The following CROCC2 variants were observed in gnomAD, a reference collection of about 807,000 sequenced individuals.
CROCC2 encodes the protein ciliary rootlet coiled-coil protein 2.
Under a neutral mutation model 177.6 loss-of-function variants are expected in CROCC2, and 163 were observed. The ratio of observed to expected loss-of-function variants is 0.92; its 90% CI spans 0.81 to 1.05. The LOEUF (loss-of-function observed/expected upper bound fraction) is 1.05. Among genes scored for constraint, CROCC2 ranks in the 50% least tolerant of loss-of-function variants. The probability of loss-of-function intolerance (pLI) is 0.00; values close to 1 mark genes in which losing one functional copy is unlikely to be tolerated. For synonymous variants in CROCC2, 904 were observed against 787.3 expected, an observed-to-expected ratio of 1.15 and a Z score of -2.48; for missense variants, 1,929 against 1,797.8, an observed-to-expected ratio of 1.07 and a Z score of -1.32.
chr2:240,976,070 C>T (rs576037540), intron 27 of CROCC2, among the ~76,000 whole-genome samples: 1 of 152,364 alleles, frequency 6.6e-6, no homozygotes, highest in Admixed American at 6.5e-5. Flanking sequence ...TGTGAGACTG[C>T]ATCATACCCA....
Position 240,911,746 on chromosome 2 carries a change from T to C in CROCC2, c.78+5155T>C, listed in dbSNP as rs537982775. Among the ~76,000 whole-genome samples the C allele has an allele frequency of 1.1e-4, 16 of 152,258 alleles. No individual in the cohort carries two copies. In the South Asian group the frequency reaches 2.3e-3, roughly 22 times the overall value. On this transcript the variant is annotated intron_variant, in intron 1 of 31. Transcript: ENST00000690015. ...TTGTCTAAGTGGATCAGATGGTATT[T>C]GTCCCTTCGTGGCGGGCTTATTTCA...
Position 240,935,078 on chromosome 2 carries a change from G to T in CROCC2, c.1938+16G>T. On this transcript the variant is annotated intron_variant, in intron 13 of 31. Transcript: ENST00000690015. Reference sequence around the variant, plus strand: ...GGCTCTCCAGGTGAGACAAGGGCCAGTGGGGCGGGCCTCGCTGGAACCTGT... The same window carrying T: ...GGCTCTCCAGGTGAGACAAGGGCCATTGGGGCGGGCCTCGCTGGAACCTGT... 1 of 1,341,788 alleles carries T rather than the reference G, an allele frequency of 7.5e-7. No homozygotes were observed. Among genetic ancestry groups the T allele is most frequent in the Non-Finnish European group, 9.6e-7 (1 of 1,039,158 alleles). The allele number at this position is 1,341,788 out of a possible 1,614,324, so 83.1% of individuals were successfully genotyped here.
Position 240,959,454 on chromosome 2 carries a change from A to G in CROCC2, c.3087+10A>G, listed in dbSNP as rs1219186801. 5 of 1,549,090 alleles carry G rather than the reference A, an allele frequency of 3.2e-6. No homozygotes were observed. Among genetic ancestry groups the G allele is most frequent in the Non-Finnish European group, 4.4e-6 (5 of 1,146,200 alleles). ...CGATGTGGAGAGAGAGGTGAGAGGC[A>G]GGGCTGGGGGGCTCCTGGGGATGCC... On this transcript the variant is annotated intron_variant, in intron 20 of 31. Transcript: ENST00000690015.
Position 240,964,449 on chromosome 2 carries a change from T to C in CROCC2, c.3306-17T>C, listed in dbSNP as rs376190541. On this transcript the variant is annotated splice_polypyrimidine_tract_variant and intron_variant, in intron 21 of 31. Transcript: ENST00000690015. Reference sequence around the variant, plus strand: ...ACCAGGAGGTGCGGGGGCCCCAGCCTGTGGCACCCTCGTCAGTTTTAAGCG... The same window carrying C: ...ACCAGGAGGTGCGGGGGCCCCAGCCCGTGGCACCCTCGTCAGTTTTAAGCG... The C allele has an allele frequency of 1.2e-5, 19 of 1,548,236 alleles. 1 individual carries two copies. In the African/African-American group the frequency reaches 2.5e-4, roughly 20 times the overall value.
intron 4 of CROCC2, among the ~76,000 whole-genome samples, chr2:240,923,275 G>A (rs751781531): frequency 2.0e-5 from 3 of 151,008 alleles, no homozygotes; most frequent in East Asian, 3.9e-4. Flanking sequence ...AGCCCCCCCC[G>A]CCACCGCTGT....
At position 240,982,840 on chromosome 2, in the gene CROCC2, C is replaced by G; in HGVS notation, c.4402-40C>G. The G allele has an allele frequency of 4.6e-6, 7 of 1,525,648 alleles. No individual in the cohort carries two copies. The highest frequency in any genetic ancestry group is 6.2e-6 in the Non-Finnish European group (7 of 1,132,262). The allele number at this position is 1,525,648 out of a possible 1,614,324, so 94.5% of individuals were successfully genotyped here. ...GGTTTCCCTGCAGGGCCTCCCACCC[C>G]CAGTGTCTCCAGGTGGACCCTGTGT... is the stretch of plus-strand genomic sequence containing the variant. On this transcript the variant is annotated intron_variant, in intron 27 of 31. Transcript: ENST00000690015. The surrounding 1 kb of genome is among the most constrained non-coding windows in gnomAD (Gnocchi z 4.7).
intron 19 of CROCC2, chr2:240,956,271 G>A: frequency 2.2e-6 from 1 of 444,968 alleles, no homozygotes; most frequent in Admixed American, 3.4e-5. Flanking sequence ...CCTCCCATGA[G>A]CCAACAGCAG....
At chr2:240,950,557 C>T (rs768902338) in intron 18 of CROCC2, 47 bp downstream of exon 18, 2 of 1,513,902 alleles carry the variant, frequency 1.3e-6, no homozygotes, top group African/African-American at 1.4e-5. Flanking sequence ...ACCCACTGCA[C>T]CTGTCACCTC....
At chr2:240,970,334 C>T (rs2059712004) in intron 27 of CROCC2, among the ~76,000 whole-genome samples, 1 of 152,200 alleles carries the variant, frequency 6.6e-6, no homozygotes. Flanking sequence ...ATCAGCCTGG[C>T]TCTGGTTTCA....
In CROCC2 at chr2:240,973,846, C is replaced by T. The variant is rs1410229956; in HGVS notation, c.4401+5584C>T. Among the ~76,000 whole-genome samples the T allele has an allele frequency of 1.3e-5, 2 of 152,200 alleles. No individual in the cohort carries two copies. The highest frequency in any genetic ancestry group is 2.9e-5 in the Non-Finnish European group (2 of 68,040). On this transcript the variant is annotated intron_variant, in intron 27 of 31. Coordinates refer to ENST00000690015, the MANE Select transcript of CROCC2 (RefSeq NM_001351305.2). The surrounding 1 kb of genome is among the most constrained non-coding windows in gnomAD (Gnocchi z 4.7). ...TTTATAAAATGAGTTGGTGGGCTTT[C>T]CACTTTTTCCATCACCTGGAACACT...
intron 18 of CROCC2, among the ~76,000 whole-genome samples, chr2:240,952,108 G>C (rs1008179029): frequency 1.3e-5 from 2 of 152,226 alleles, no homozygotes; most frequent in African/African-American, 4.8e-5. Context: ...CACTTTGGGA[G>C]ACCGAGGCAG....
At position 240,972,863 on chromosome 2, in the gene CROCC2, T is replaced by C. The variant is rs1055265255; in HGVS notation, c.4401+4601T>C. 6.6e-6 allele frequency among the ~76,000 whole-genome samples: 1 copy of C among 152,110 alleles called. No individual in the cohort carries two copies. Among genetic ancestry groups the C allele is most frequent in the Non-Finnish European group, 1.5e-5 (1 of 68,022 alleles). On this transcript the variant is annotated intron_variant, in intron 27 of 31. Transcript: ENST00000690015. The surrounding 1 kb of genome is among the most constrained non-coding windows in gnomAD (Gnocchi z 7.1). ...GAGTCATTGTGATAGGTTTCTGGATTCAGACACACCTAAGTCACCAGAGGC... is the reference window on the plus strand; with the variant it reads ...GAGTCATTGTGATAGGTTTCTGGATCCAGACACACCTAAGTCACCAGAGGC...
chr2:240,988,193 G>A (rs904559492), intron 28 of CROCC2, among the ~76,000 whole-genome samples: 1 of 152,224 alleles, frequency 6.6e-6, no homozygotes, highest in African/African-American at 2.4e-5. Flanking sequence ...TGACTAAGGA[G>A]GGAGCACATT....
intron 26 of CROCC2, chr2:240,967,696 C>T (rs2059692408): frequency 1.8e-6 from 1 of 549,024 alleles, no homozygotes; most frequent in Non-Finnish European, 2.3e-6. Context: ...ACAGGCCCAT[C>T]AGGGCCCTCC....
chr2:240,912,257 A>C (rs1430118347), intron 1 of CROCC2, among the ~76,000 whole-genome samples: 2 of 152,134 alleles, frequency 1.3e-5, no homozygotes, highest in African/African-American at 4.8e-5. Flanking sequence ...CTGTCCTACA[A>C]TTCAATCCAG....
rs1442695265 is a variant in CROCC2 at position 240,932,406 on chromosome 2, C to A, written c.1036C>A (p.Gln346Lys). ...KTIAALRTDL[Q>K]NLVAQEDARC... Reference sequence around the variant, plus strand: ...CATCGCTGCCCTCAGAACCGACCTGCAGAACCTGGTTGGTGGGCAGGACGG... The same window carrying A: ...CATCGCTGCCCTCAGAACCGACCTGAAGAACCTGGTTGGTGGGCAGGACGG... The change falls in exon 8 of 32, where the codon CAG (glutamine) becomes AAG (lysine). Residue 346 changes from glutamine (Q) to lysine (K), a missense_variant. By Grantham distance (53) the Gln-to-Lys change is moderately conservative. This residue lies in a region of CROCC2 where 1,397 missense variants were observed against 1,239.9 expected (regional missense o/e 1.13). Transcript: ENST00000690015. The A allele has an allele frequency of 1.4e-6, 1 of 717,382 alleles. No homozygotes were observed. Among genetic ancestry groups the A allele is most frequent in the Non-Finnish European group, 2.6e-6 (1 of 385,082 alleles). The allele number at this position is 717,382 out of a possible 1,614,324, so 44.4% of individuals were successfully genotyped here. A position where few individuals can be genotyped will look rare whatever the true frequency, so the allele number is the denominator to read the frequency against.
In CROCC2 at chr2:240,925,817, G is replaced by A. The variant is rs1341350823; in HGVS notation, c.582G>A (p.Gly194=). The change falls in exon 5 of 32, where the codon GGG becomes GGA. Residue 194 remains glycine, a synonymous_variant. Coordinates refer to ENST00000690015, the MANE Select transcript of CROCC2 (RefSeq NM_001351305.2). ...ANDALGRELA[G]MTGSVQRLQG... Reference sequence around the variant, plus strand: ...ACGCGCTGGGCCGGGAGCTGGCCGGGATGACGGGCAGCGTGCAGCGCCTGC... The same window carrying A: ...ACGCGCTGGGCCGGGAGCTGGCCGGAATGACGGGCAGCGTGCAGCGCCTGC... 7.0e-6 allele frequency: 5 copies of A among 716,792 alleles called. No homozygotes were observed. The highest frequency in any genetic ancestry group is 1.0e-5 in the Non-Finnish European group (4 of 384,916). 44.4% of individuals were successfully genotyped at this position (716,792 alleles called of 1,614,324 possible). A position where few individuals can be genotyped will look rare whatever the true frequency, so the allele number is the denominator to read the frequency against.
chr2:240,960,275 C>T lies in CROCC2; in HGVS notation c.3087+831C>T, dbSNP rs1362880191. ...GGCTGGACACTAAGGTCGGGGGAGG[C>T]TGGATTTGGGGCAGCAGGCAAGAAA... is the stretch of plus-strand genomic sequence containing the variant. On this transcript the variant is annotated intron_variant, in intron 20 of 31. Transcript: ENST00000690015. The surrounding 1 kb of genome is among the most constrained non-coding windows in gnomAD (Gnocchi z 5.0). Among the ~76,000 whole-genome samples, 27 of 152,150 alleles carry T rather than the reference C, an allele frequency of 1.8e-4. No homozygotes were observed. Among genetic ancestry groups the T allele is most frequent in the Admixed American group, 1.8e-3 (27 of 15,290 alleles).
rs560704568 is a variant in CROCC2 at position 240,917,602 on chromosome 2, G to A, written c.79-1124G>A. On this transcript the variant is annotated intron_variant, in intron 1 of 31. Coordinates refer to ENST00000690015, the MANE Select transcript of CROCC2 (RefSeq NM_001351305.2). The surrounding 1 kb of genome is among the most constrained non-coding windows in gnomAD (Gnocchi z 4.9). ...AGCTGCCCTGCGGACCCCAGGGAGA[G>A]GGGTCCTCTGTGCTGGCGTGGGAGC... Among the ~76,000 whole-genome samples, 269 of 152,264 alleles carry A rather than the reference G, an allele frequency of 1.8e-3. 2 individuals are homozygous for A. Among genetic ancestry groups the A allele is most frequent in the Middle Eastern group, 6.8e-3 (2 of 294 alleles).
Sources: allele counts gnomAD v4.1 joint callset (sites outside exome capture counted in the v4.1 genomes callset), GRCh38; gene constraint gnomAD v4.1.1; regional missense constraint gnomAD v4.1.1; non-coding constraint Gnocchi (gnomAD v3.1); transcripts MANE v1.5; gene names NCBI Gene and HGNC (gene_info 2026-07-23, HGNC 2026-07-21).